Variants in PCDHGA2 observed in about 807,000 individuals in gnomAD.
PCDHGA2 encodes the protein protocadherin gamma subfamily A, 2.
Under a neutral mutation model 59.2 loss-of-function variants are expected in PCDHGA2, and 40 were observed. The ratio of observed to expected loss-of-function variants is 0.68; its 90% CI spans 0.52 to 0.88. The LOEUF (loss-of-function observed/expected upper bound fraction) is 0.88. Among genes scored for constraint, PCDHGA2 ranks in the 40% least tolerant of loss-of-function variants. The pLI is 0.00. For missense variants in PCDHGA2, 1,226 were observed against 1,204.0 expected, an observed-to-expected ratio of 1.02 and a Z score of -0.27; for synonymous variants, 560 against 526.0, an observed-to-expected ratio of 1.06 and a Z score of -0.89.
intron 1 of PCDHGA2, chr5:141,421,468 C>G: frequency 1.2e-6 from 2 of 1,614,096 alleles, no homozygotes; most frequent in Non-Finnish European, 1.7e-6. Flanking sequence ...TGTGAATCCG[C>G]GAAGCGGCAG....
At chr5:141,368,899 T>A (rs1765918002) in intron 1 of PCDHGA2, among the ~76,000 whole-genome samples, 1 of 152,202 alleles carries the variant, frequency 6.6e-6, no homozygotes, top group Admixed American at 6.5e-5. Context: ...ATTTTTGATG[T>A]TTGTATAAAG....
In PCDHGA2 at chr5:141,418,400, G is replaced by C; in HGVS notation, c.2425-76407G>C. ...AAGTCCTAACGAGTATTTCTCATTGGTGGAGAAAGACAATCCTGATGGTGG... is the reference window on the plus strand; with the variant it reads ...AAGTCCTAACGAGTATTTCTCATTGCTGGAGAAAGACAATCCTGATGGTGG... On this transcript the variant is annotated intron_variant, in intron 1 of 3. Coordinates refer to ENST00000394576, the MANE Select transcript of PCDHGA2 (RefSeq NM_018915.4). The C allele has an allele frequency of 6.2e-7, 1 of 1,613,900 alleles. No homozygotes were observed. The highest frequency in any genetic ancestry group is 8.5e-7 in the Non-Finnish European group (1 of 1,179,794).
At chr5:141,366,288 C>G (rs1020562585) in intron 1 of PCDHGA2, 1 of 1,613,748 alleles carries the variant, frequency 6.2e-7, no homozygotes, top group Non-Finnish European at 8.5e-7. Flanking sequence ...GGCCAGCCCC[C>G]TCTGTCAGCC....
rs1354510383 is a variant in PCDHGA2, at chr5:141,432,312, G to A, written c.2425-62495G>A. The A allele has an allele frequency of 5.6e-6, 9 of 1,614,132 alleles. No homozygotes were observed. The highest frequency in any genetic ancestry group is 7.6e-6 in the Non-Finnish European group (9 of 1,180,054). On this transcript the variant is annotated intron_variant, in intron 1 of 3. Transcript: ENST00000394576. The surrounding 1 kb of genome is among the most constrained non-coding windows in gnomAD (Gnocchi z 6.0). Reference sequence around the variant, plus strand: ...GACACTGGGGTACTGTATGCGCTGAGCTCCTTCGACTACGAGCAGTTCCGA... The same window carrying A: ...GACACTGGGGTACTGTATGCGCTGAACTCCTTCGACTACGAGCAGTTCCGA...
Position 141,491,880 on chromosome 5 carries a change from G to C in PCDHGA2, c.2425-2927G>C. ...GCGAAACCAGAGTGGCCGATTAAGG[G>C]ATGGGGCTCCGAGCACCGGGGGTGG... On this transcript the variant is annotated intron_variant, in intron 1 of 3. Transcript: ENST00000394576. This position sits in a 1 kb window ranked among gnomAD's most constrained non-coding sequence, Gnocchi z 6.9. 1 of 1,449,834 alleles carries C rather than the reference G, an allele frequency of 6.9e-7. No individual in the cohort carries two copies. 89.8% of individuals were successfully genotyped at this position (1,449,834 alleles called of 1,614,324 possible).
In PCDHGA2 at chr5:141,476,255, G is replaced by A. The variant is rs767691159; in HGVS notation, c.2425-18552G>A. 6.2e-7 allele frequency: 1 copy of A among 1,614,090 alleles called. No individual in the cohort carries two copies. Among genetic ancestry groups the A allele is most frequent in the Admixed American group, 1.7e-5 (1 of 60,022 alleles). ...GGAGGAAAGAGAGAAGGGTTTCGCT[G>A]TGGGCAACGTGGTCGCGAACCTTGG... On this transcript the variant is annotated intron_variant, in intron 1 of 3. Transcript: ENST00000394576. The surrounding 1 kb of genome is among the most constrained non-coding windows in gnomAD (Gnocchi z 7.6).
intron 1 of PCDHGA2, chr5:141,420,099 C>G: frequency 2.5e-6 from 4 of 1,613,996 alleles, no homozygotes; most frequent in Non-Finnish European, 3.4e-6. Context: ...AGTGAGGGAA[C>G]GTTGCCCTAT....
At chr5:141,394,434 C>T in intron 1 of PCDHGA2, 1 of 1,614,248 alleles carries the variant, frequency 6.2e-7, no homozygotes, top group South Asian at 1.1e-5. Context: ...CGGGGACCCG[C>T]CCCTCAGCAG....
At chr5:141,349,071 A>T (rs1758229272) in intron 1 of PCDHGA2, among the ~76,000 whole-genome samples, 3 of 151,980 alleles carry the variant, frequency 2.0e-5, no homozygotes, top group African/African-American at 7.2e-5. Context: ...GAGAATTGGC[A>T]TTATAGAGAA....
At chr5:141,508,961 A>C (rs991011427) in intron 3 of PCDHGA2, among the ~76,000 whole-genome samples, 2 of 151,978 alleles carry the variant, frequency 1.3e-5, no homozygotes, top group African/African-American at 4.8e-5. Context: ...TGTCAGCGGA[A>C]TGAAAGGGCT....
rs1449032006 is a variant in PCDHGA2 at position 141,438,617 on chromosome 5, TATATATATATATATATATAC to T, written c.2425-56188_2425-56169del. 2.9e-3 allele frequency among the ~76,000 whole-genome samples: 107 copies of T among 37,156 alleles called. 1 individual carries two copies. Among genetic ancestry groups the T allele is most frequent in the South Asian group, 0.015 (15 of 996 alleles). 24.4% of individuals were successfully genotyped at this position (37,156 alleles called of 152,430 possible). On this transcript the variant is annotated intron_variant, in intron 1 of 3. Transcript: ENST00000394576. Reference sequence around the variant, plus strand: ...ATATATATATATATATATATATATATATATATATATATATATATACACACACACACACACATATATGTATA... The same window carrying T: ...ATATATATATATATATATATATATATACACACACACACACATATATGTATA...
intron 1 of PCDHGA2, among the ~76,000 whole-genome samples, chr5:141,369,429 C>T (rs940701313): frequency 2.0e-5 from 3 of 152,160 alleles, no homozygotes; most frequent in Admixed American, 6.5e-5. Context: ...CAATTTGGGA[C>T]GCTGAGGTGG....
chr5:141,389,838 C>T (rs1156714079), intron 1 of PCDHGA2: 3 of 1,614,028 alleles, frequency 1.9e-6, no homozygotes, highest in Non-Finnish European at 2.5e-6. Context: ...ACAGCCACCA[C>T]TCTCGGCCAC....
chr5:141,380,982 T>A (rs1776910305), intron 1 of PCDHGA2, among the ~76,000 whole-genome samples: 3 of 152,248 alleles, frequency 2.0e-5, no homozygotes, highest in Non-Finnish European at 2.9e-5. Flanking sequence ...AAATAGAATT[T>A]AACTCCAGTT....
At chr5:141,466,094 C>T (rs1462266046) in intron 1 of PCDHGA2, among the ~76,000 whole-genome samples, 1 of 152,040 alleles carries the variant, frequency 6.6e-6, no homozygotes, top group Non-Finnish European at 1.5e-5. Flanking sequence ...TGCACTCCAG[C>T]CTGGGCAACA....
chr5:141,352,858 C>A (rs889457507), intron 1 of PCDHGA2, among the ~76,000 whole-genome samples: 4 of 152,006 alleles, frequency 2.6e-5, no homozygotes, highest in African/African-American at 7.2e-5. Context: ...TGTGGTGGCA[C>A]GCGCCTGTAG....
rs199852408 is a variant in PCDHGA2 at position 141,340,577 on chromosome 5, G to T, written c.1606G>T (p.Asp536Tyr). The stretch of plus-strand genomic sequence containing the variant: ...CTTGCAAGTGTGGGTGATAGCGCGG[G>T]ACAGCGGGAACCCTCCACTCAGTAG... The part of the protein sequence containing the change: ...RDLQVWVIAR[D>Y]SGNPPLSSNV... Residue 536 changes from aspartate (D) to tyrosine (Y), a missense_variant, in exon 1 of 4, where the codon GAC becomes TAC. Asp to Tyr is a radical substitution (Grantham distance 160, BLOSUM62 -3). Transcript: ENST00000394576. 3.8e-4 allele frequency: 610 copies of T among 1,614,110 alleles called. No homozygotes were observed. The highest frequency in any genetic ancestry group is 6.3e-4 in the Admixed American group (38 of 60,014).
chr5:141,467,535 G>C (rs2099145685), intron 1 of PCDHGA2, among the ~76,000 whole-genome samples: 1 of 152,176 alleles, frequency 6.6e-6, no homozygotes, highest in South Asian at 2.1e-4. Flanking sequence ...GCTGAGATAT[G>C]GATCTGATTA....
chr5:141,366,708 T>G (rs374131113), intron 1 of PCDHGA2: 2 of 1,614,120 alleles, frequency 1.2e-6, no homozygotes, highest in African/African-American at 1.3e-5. Context: ...CCTCTTCTGA[T>G]GTCTGATAAG....
Sources: gnomAD v4.1 joint callset for allele counts (sites outside exome capture counted in the v4.1 genomes callset) on GRCh38, gnomAD v4.1.1 for gene constraint, Gnocchi (gnomAD v3.1) non-coding constraint, MANE v1.5 for transcripts, NCBI Gene and HGNC (gene_info 2026-07-23, HGNC 2026-07-21) for gene names.